The following NTRK2 variants were observed in gnomAD, a reference collection of about 807,000 sequenced individuals.
NTRK2 encodes BDNF/NT-3 growth factors receptor.
Under a neutral mutation model 94.5 loss-of-function variants are expected in NTRK2, and 13 were observed. The ratio of observed to expected loss-of-function variants is 0.14; its 90% CI spans 0.09 to 0.22. The LOEUF (loss-of-function observed/expected upper bound fraction) is 0.22. Ranked by LOEUF, NTRK2 falls within the 10% of genes least tolerant of loss-of-function variation. The pLI is 1.00. For synonymous variants in NTRK2, 372 were observed against 407.4 expected (o/e 0.91, Z 1.05); for missense variants, 639 against 1,071.2 (o/e 0.60, Z 5.63).
chr9:84,848,511 TGAC>T (rs1161427604), intron 12 of NTRK2, among the ~76,000 whole-genome samples: 1 of 152,216 alleles, frequency 6.6e-6, no homozygotes, highest in Non-Finnish European at 1.5e-5. Flanking sequence ...TCCTGGAGAC[TGAC>T]ATTTAGTTAC....
At chr9:84,960,693 A>G (rs767553338) in intron 17 of NTRK2, among the ~76,000 whole-genome samples, 1 of 152,202 alleles carries the variant, frequency 6.6e-6, no homozygotes, top group Non-Finnish European at 1.5e-5. Context: ...ACTTCCTCTT[A>G]GCAGAATAAT....
intron 12 of NTRK2, among the ~76,000 whole-genome samples, chr9:84,752,933 A>AGGTCAGGT (rs1319720139): frequency 6.6e-6 from 1 of 152,196 alleles, no homozygotes; most frequent in Non-Finnish European, 1.5e-5. Context: ...GCTGGAGAGT[A>AGGTCAGGT]GGTCAGGTGG....
intron 17 of NTRK2, among the ~76,000 whole-genome samples, chr9:84,995,550 C>T (rs1829654194): frequency 6.6e-6 from 1 of 151,970 alleles, no homozygotes; most frequent in African/African-American, 2.4e-5. Context: ...TGATTCTGGC[C>T]TGGGGGATGA....
At chr9:84,763,116 G>T (rs182501435) in intron 12 of NTRK2, among the ~76,000 whole-genome samples, 2 of 152,112 alleles carry the variant, frequency 1.3e-5, no homozygotes, top group Non-Finnish European at 2.9e-5. Context: ...CTGTCTCTGC[G>T]TAGACATACT....
At chr9:84,727,426 A>G (rs2062544805) in intron 8 of NTRK2, among the ~76,000 whole-genome samples, 1 of 152,202 alleles carries the variant, frequency 6.6e-6, no homozygotes, top group African/African-American at 2.4e-5. Context: ...ACTGTAATGC[A>G]GGGGTCTTAA....
intron 15 of NTRK2, among the ~76,000 whole-genome samples, chr9:84,944,355 T>G (rs1198408901): frequency 2.0e-5 from 3 of 151,492 alleles, no homozygotes; most frequent in Non-Finnish European, 2.9e-5. Flanking sequence ...CTCTGCCTCC[T>G]GGGTTCACGC....
chr9:84,992,346 T>C (rs1051645318), intron 17 of NTRK2, among the ~76,000 whole-genome samples: 6 of 151,928 alleles, frequency 3.9e-5, no homozygotes, highest in Non-Finnish European at 5.9e-5. Flanking sequence ...TTGATGAGTC[T>C]GCCTCTATCT....
At chr9:84,725,011 A>T (rs147304216) in intron 8 of NTRK2, among the ~76,000 whole-genome samples, 224 of 152,342 alleles carry the variant, frequency 1.5e-3, no homozygotes, top group African/African-American at 5.4e-3. Context: ...TTGAAATTCC[A>T]AATTATGGCT....
chr9:84,721,351 A>G (rs1399339453), intron 6 of NTRK2, among the ~76,000 whole-genome samples: 1 of 151,772 alleles, frequency 6.6e-6, no homozygotes, highest in African/African-American at 2.4e-5. Flanking sequence ...AATTTTTTGT[A>G]TTTTTTAGTA....
rs543981536 is a variant in NTRK2 at position 84,743,615 on chromosome 9, A to C, written c.1196-1358A>C. On this transcript the variant is annotated intron_variant, in intron 10 of 18. Transcript: ENST00000277120. ...AGAAATACGTTTGAATTGTGGTTTT[A>C]CATCTTAAAATTACATTTTTGACCC... Among the ~76,000 whole-genome samples the C allele has an allele frequency of 2.6e-4, 39 of 152,346 alleles. No homozygotes were observed. The South Asian group carries it at 7.7e-3, about 30-fold the overall frequency.
intron 12 of NTRK2, among the ~76,000 whole-genome samples, chr9:84,823,165 G>T (rs2072960213): frequency 6.6e-6 from 1 of 152,000 alleles, no homozygotes; most frequent in Non-Finnish European, 1.5e-5. Flanking sequence ...TTTTTGAGCT[G>T]TAGCTACCCT....
At position 84,797,653 on chromosome 9, in the gene NTRK2, A is replaced by ATATTATATATATTATATATAC. The variant is rs2069604977; in HGVS notation, c.1396+45571_1396+45572insTATATATATTATATATACTAT. 6.6e-5 allele frequency among the ~76,000 whole-genome samples: 3 copies of ATATTATATATATTATATATAC among 45,202 alleles called. 1 individual carries two copies. In the South Asian group the frequency reaches 1.4e-3, roughly 21 times the overall value. The allele number at this position is 45,202 out of a possible 152,430, so 29.7% of individuals were successfully genotyped here. ...TATATATTATATATACTATAATAATATATATATTATATATTATATATTATA... is the reference window on the plus strand; with the variant it reads ...TATATATTATATATACTATAATAATATATTATATATATTATATATACTATATATTATATATTATATATTATA... On this transcript the variant is annotated intron_variant, in intron 12 of 18. Coordinates refer to ENST00000277120, the MANE Select transcript of NTRK2 (RefSeq NM_006180.6).
intron 12 of NTRK2, among the ~76,000 whole-genome samples, chr9:84,831,130 T>C (rs575066827): frequency 6.6e-6 from 1 of 152,352 alleles, no homozygotes; most frequent in South Asian, 2.1e-4. Flanking sequence ...AATTTCATTG[T>C]TAAAAGTAAC....
intron 12 of NTRK2, among the ~76,000 whole-genome samples, chr9:84,818,236 T>G (rs1662701): frequency 0.81 from 123,799 of 152,080 alleles, 50,520 homozygotes; most frequent in East Asian, 0.9. Flanking sequence ...AAGCAGGCTG[T>G]CTGTAAAGCT....
chr9:84,896,512 C>T (rs903058913), intron 14 of NTRK2, among the ~76,000 whole-genome samples: 7 of 152,156 alleles, frequency 4.6e-5, no homozygotes, highest in African/African-American at 1.7e-4. Flanking sequence ...TGATGTTAGG[C>T]CTCAGTGGTG....
Position 84,914,745 on chromosome 9 carries a change from A to C in NTRK2, c.1634-19417A>C, listed in dbSNP as rs151091676. ...TTTCTGGGGATTTTTTTCTGTGCCCACTGGCATTTTCAGGTTTCTGGCTTC... is the reference window on the plus strand; with the variant it reads ...TTTCTGGGGATTTTTTTCTGTGCCCCCTGGCATTTTCAGGTTTCTGGCTTC... On this transcript the variant is annotated intron_variant, in intron 14 of 18. Coordinates refer to ENST00000277120, the MANE Select transcript of NTRK2 (RefSeq NM_006180.6). Among the ~76,000 whole-genome samples the C allele has an allele frequency of 1.4e-3, 206 of 152,276 alleles. 2 individuals are homozygous for C. Among genetic ancestry groups the C allele is most frequent in the Non-Finnish European group, 1.7e-3 (119 of 68,028 alleles).
At chr9:84,894,688 C>T (rs900591976) in intron 14 of NTRK2, among the ~76,000 whole-genome samples, 3 of 152,230 alleles carry the variant, frequency 2.0e-5, no homozygotes, top group African/African-American at 7.2e-5. Context: ...GACTAACTTA[C>T]AAATATATCT....
chr9:84,692,465 T>C lies in NTRK2; in HGVS notation c.213-9694T>C, dbSNP rs1369481219. On this transcript the variant is annotated intron_variant, in intron 2 of 18. Coordinates refer to ENST00000277120, the MANE Select transcript of NTRK2 (RefSeq NM_006180.6). ...TCTTTTCTTTTCTTTTTTTTCTTTT[T>C]TTCTTTTTTTTTTTTTTTTTTTTGA... Among the ~76,000 whole-genome samples the C allele has an allele frequency of 2.3e-5, 3 of 127,984 alleles. No individual in the cohort carries two copies. The South Asian group carries it at 7.7e-4, about 33-fold the overall frequency. The allele number at this position is 127,984 out of a possible 152,430, so 84.0% of individuals were successfully genotyped here.
chr9:84,922,693 C>T (rs956920242), intron 14 of NTRK2, among the ~76,000 whole-genome samples: 1 of 152,182 alleles, frequency 6.6e-6, no homozygotes, highest in Non-Finnish European at 1.5e-5. Flanking sequence ...AATGCATGCA[C>T]AATGCCTAAA....
Sources: gnomAD v4.1 joint callset for allele counts (sites outside exome capture counted in the v4.1 genomes callset) on GRCh38, gnomAD v4.1.1 for gene constraint, MANE v1.5 for transcripts, NCBI Gene and HGNC (gene_info 2026-07-23, HGNC 2026-07-21) for gene names.